The following ITSN2 variants were observed in gnomAD, a reference collection of about 807,000 sequenced individuals.
The protein encoded by ITSN2 is intersectin-2.
Under a neutral mutation model 243.7 loss-of-function variants are expected in ITSN2, and 156 were observed. The ratio of observed to expected loss-of-function variants is 0.64; its 90% CI spans 0.56 to 0.73. ITSN2 has a LOEUF of 0.73. Ranked by LOEUF, ITSN2 falls within the 30% of genes least tolerant of loss-of-function variation. The pLI is 0.00. For synonymous variants in ITSN2, 703 were observed against 699.9 expected (o/e 1.00, Z -0.07); for missense variants, 1,801 against 1,996.1 (o/e 0.90, Z 1.86).
Position 24,271,826 on chromosome 2 carries a change from G to A in ITSN2, c.2197C>T (p.Arg733Trp), listed in dbSNP as rs776569610. ...TTACGTTGTTTCTCCTCAGCTTTCCGTTCCTCTTCTTGAATTTTTTCTTGT... is the reference window on the plus strand; with the variant it reads ...TTACGTTGTTTCTCCTCAGCTTTCCATTCCTCTTCTTGAATTTTTTCTTGT... ...KTQEKIQEEERKAEEKQRKDK... is the reference protein window; with the variant it reads ...KTQEKIQEEEWKAEEKQRKDK... Residue 733 changes from arginine to tryptophan, a missense_variant, in exon 19 of 40, where the codon CGG becomes TGG. Physicochemically the swap from Arg to Trp is moderately radical, Grantham distance 101. Transcript: ENST00000355123. The A allele has an allele frequency of 5.0e-6, 8 of 1,609,000 alleles. No individual in the cohort carries two copies. The highest frequency in any genetic ancestry group is 1.3e-5 in the African/African-American group (1 of 74,472).
chr2:24,267,108 C>T (rs530972583), intron 20 of ITSN2, among the ~76,000 whole-genome samples: 2 of 152,152 alleles, frequency 1.3e-5, no homozygotes, highest in African/African-American at 4.8e-5. Context: ...ACGCTGAAAA[C>T]CATCATTCCC....
intron 20 of ITSN2, among the ~76,000 whole-genome samples, chr2:24,268,614 C>T (rs564348599): frequency 1.3e-5 from 2 of 152,282 alleles, no homozygotes; most frequent in South Asian, 2.1e-4. Context: ...TATGGTTGTA[C>T]ACTTTGCTAT....
At chr2:24,338,252 CT>C (rs1224878879) in intron 1 of ITSN2, among the ~76,000 whole-genome samples, 1 of 152,228 alleles carries the variant, frequency 6.6e-6, no homozygotes, top group Non-Finnish European at 1.5e-5. Context: ...GATCCCAGGT[CT>C]TTAGATAAAC....
chr2:24,312,727 G>A (rs964405904), intron 4 of ITSN2, among the ~76,000 whole-genome samples: 3 of 151,936 alleles, frequency 2.0e-5, no homozygotes, highest in Non-Finnish European at 2.9e-5. Flanking sequence ...TATGTGCCTC[G>A]TACTCTACCA....
chr2:24,273,869 T>G (rs371092862), intron 18 of ITSN2: 10 of 152,252 alleles, frequency 6.6e-5, no homozygotes, highest in African/African-American at 2.4e-4. Context: ...ACCAATACCT[T>G]GGGGAAAAGA....
At chr2:24,290,384 T>G (rs1680090271) in intron 15 of ITSN2, among the ~76,000 whole-genome samples, 3 of 152,204 alleles carry the variant, frequency 2.0e-5, no homozygotes, top group African/African-American at 7.2e-5. Context: ...ATTTTTCTAT[T>G]GGGCTGTCTT....
intron 1 of ITSN2, among the ~76,000 whole-genome samples, chr2:24,359,134 T>C (rs1006356765): frequency 1.6e-4 from 24 of 152,204 alleles, no homozygotes; most frequent in African/African-American, 5.8e-4. Context: ...TATCTTTAAA[T>C]TTGGAAGGAC....
intron 15 of ITSN2, among the ~76,000 whole-genome samples, chr2:24,286,818 G>C (rs1300475759): frequency 1.3e-5 from 2 of 152,116 alleles, no homozygotes; most frequent in African/African-American, 4.8e-5. Flanking sequence ...GATTCAGTAA[G>C]TATTACTAAC....
intron 1 of ITSN2, among the ~76,000 whole-genome samples, chr2:24,351,032 T>A (rs971447468): frequency 6.6e-6 from 1 of 152,152 alleles, no homozygotes; most frequent in Non-Finnish European, 1.5e-5. Context: ...TTTTAAAAAA[T>A]CTATTCACGT....
chr2:24,271,088 A>G (rs1467664840), intron 19 of ITSN2, among the ~76,000 whole-genome samples: 1 of 152,130 alleles, frequency 6.6e-6, no homozygotes, highest in African/African-American at 2.4e-5. Flanking sequence ...AGACCAAGCA[A>G]AGAGAGGCTT....
At position 24,271,626 on chromosome 2, in the gene ITSN2, T is replaced by A. The variant is rs1574094567; in HGVS notation, c.2257+140A>T. On this transcript the variant is annotated intron_variant, in intron 19 of 39. Transcript: ENST00000355123. ...GTTTTAATAAGCCTACTGCTTTTTA[T>A]CCAAGTTTAATTTATAAAAAGGTTT... 5 of 1,087,114 alleles carry A rather than the reference T, an allele frequency of 4.6e-6. No individual in the cohort carries two copies. The East Asian group carries it at 1.4e-4, about 30-fold the overall frequency. The allele number at this position is 1,087,114 out of a possible 1,614,324, so 67.3% of individuals were successfully genotyped here. A position where few individuals can be genotyped will look rare whatever the true frequency, so the allele number is the denominator to read the frequency against.
At chr2:24,336,457 G>A (rs1233953536) in intron 1 of ITSN2, among the ~76,000 whole-genome samples, 1 of 152,112 alleles carries the variant, frequency 6.6e-6, no homozygotes, top group Non-Finnish European at 1.5e-5. Context: ...TTCTTAGTAT[G>A]AAATACGGCC....
At chr2:24,346,699 C>T (rs1687564135) in intron 1 of ITSN2, among the ~76,000 whole-genome samples, 1 of 151,984 alleles carries the variant, frequency 6.6e-6, no homozygotes, top group Non-Finnish European at 1.5e-5. Context: ...GTTCTACTCG[C>T]TCCATTTTTC....
chr2:24,341,788 A>C (rs888009290), intron 1 of ITSN2, among the ~76,000 whole-genome samples: 4 of 152,152 alleles, frequency 2.6e-5, no homozygotes, highest in African/African-American at 9.7e-5. Flanking sequence ...TGGGAGGTGG[A>C]GGTTGCAGGG....
chr2:24,271,852 G>T lies in ITSN2; in HGVS notation c.2171C>A (p.Thr724Lys), dbSNP rs749857755. Residue 724 changes from threonine (T) to lysine (K), a missense_variant, in exon 19 of 40, where the codon ACA (threonine) becomes AAA (lysine). Around this residue, in one of 5 missense-constraint regions of ITSN2, gnomAD observed 787 missense variants for 803.9 expected, o/e 0.98. Coordinates refer to ENST00000355123, the MANE Select transcript of ITSN2 (RefSeq NM_006277.3). ...TTCCTCTTCTTGAATTTTTTCTTGTGTTTTTTCTTCCTGGAGTCGCTTTTG... is the reference window on the plus strand; with the variant it reads ...TTCCTCTTCTTGAATTTTTTCTTGTTTTTTTTCTTCCTGGAGTCGCTTTTG... ...EKQKRLQEEK[T>K]QEKIQEEERK... The T allele has an allele frequency of 1.0e-4, 165 of 1,609,848 alleles. No individual in the cohort carries two copies. The highest frequency in any genetic ancestry group is 4.7e-4 in the Admixed American group (28 of 59,444).
At position 24,204,280 on chromosome 2, in the gene ITSN2, A is replaced by C. The variant is rs768932596; in HGVS notation, c.4901T>G (p.Leu1634Arg). The change falls in exon 39 of 40, where the codon CTC (leucine) becomes CGC (arginine). Residue 1634 changes from leucine (L) to arginine (R), a missense_variant. Leu to Arg is a moderately radical substitution (Grantham distance 102). Around this residue, in one of 5 missense-constraint regions of ITSN2, gnomAD observed 928 missense variants for 1,065.4 expected, o/e 0.87. Coordinates refer to ENST00000355123, the MANE Select transcript of ITSN2 (RefSeq NM_006277.3). This position sits in a 1 kb window ranked among gnomAD's most constrained non-coding sequence, Gnocchi z 5.1. ...AAACTGGTCTCTGTCAAACAGGGTG[A>C]GACACAGCACGTCTTGGTAGAGATC... ...IKDLYQDVLC[L>R]TLFDRDQFSP... 1.2e-6 allele frequency: 2 copies of C among 1,614,172 alleles called. No individual in the cohort carries two copies. Among genetic ancestry groups the C allele is most frequent in the Non-Finnish European group, 1.7e-6 (2 of 1,180,020 alleles).
At chr2:24,320,525 C>CAAAAAAAA (rs113637557) in intron 2 of ITSN2, among the ~76,000 whole-genome samples, 11 of 41,520 alleles carry the variant, frequency 2.6e-4, no homozygotes, top group Non-Finnish European at 4.1e-4. Flanking sequence ...GACTCCGTCT[C>CAAAAAAAA]AAAAAAAAAA....
chr2:24,332,046 C>G (rs1384859273), intron 1 of ITSN2, among the ~76,000 whole-genome samples: 1 of 152,102 alleles, frequency 6.6e-6, no homozygotes, highest in Non-Finnish European at 1.5e-5. Context: ...GAGTTCAAGA[C>G]CAGCCTGACC....
In ITSN2 at chr2:24,204,677, G is replaced by C. The variant is rs559832217; in HGVS notation, c.4763-259C>G. 1.7e-6 allele frequency: 1 copy of C among 603,804 alleles called. No individual in the cohort carries two copies. The highest frequency in any genetic ancestry group is 3.6e-5 in the East Asian group (1 of 27,858). 37.4% of individuals were successfully genotyped at this position (603,804 alleles called of 1,614,324 possible). A position where few individuals can be genotyped will look rare whatever the true frequency, so the allele number is the denominator to read the frequency against. On this transcript the variant is annotated intron_variant, in intron 38 of 39. Coordinates refer to ENST00000355123, the MANE Select transcript of ITSN2 (RefSeq NM_006277.3). This position sits in a 1 kb window ranked among gnomAD's most constrained non-coding sequence, Gnocchi z 5.1. ...CTCCGCACGGAACAATCCTGGGTGA[G>C]TGTCACTGCAACCTGCTGCATGCTT...
Sources: allele counts gnomAD v4.1 joint callset (sites outside exome capture counted in the v4.1 genomes callset), GRCh38; gene constraint gnomAD v4.1.1; regional missense constraint gnomAD v4.1.1; non-coding constraint Gnocchi (gnomAD v3.1); transcripts MANE v1.5; gene names NCBI Gene and HGNC (gene_info 2026-07-23, HGNC 2026-07-21).